Variants in RAB6B observed in about 807,000 individuals in gnomAD.
The protein encoded by RAB6B is RAB6B, member RAS oncogene family, also known as ras-related protein Rab-6B.
RAB6B carries 7 observed loss-of-function variants against 31.2 expected under a neutral mutation model. That is an observed-to-expected ratio of 0.22 (90% CI 0.13 to 0.42). RAB6B has a LOEUF of 0.42. Ranked by LOEUF, RAB6B falls within the 10% of genes least tolerant of loss-of-function variation. The pLI is 1.00. For missense variants in RAB6B, 149 were observed against 280.6 expected, an observed-to-expected ratio of 0.53 and a Z score of 3.35; for synonymous variants, 105 against 104.9, an observed-to-expected ratio of 1.00 and a Z score of -0.01.
intron 1 of RAB6B, among the ~76,000 whole-genome samples, chr3:133,866,890 C>T (rs1351234711): frequency 4.6e-5 from 7 of 152,258 alleles, no homozygotes; most frequent in Non-Finnish European, 8.8e-5. Context: ...CCCTAGGCAG[C>T]GACGCTCTGC....
intron 2 of RAB6B, among the ~76,000 whole-genome samples, chr3:133,842,400 C>T (rs527911188): frequency 1.3e-4 from 20 of 152,374 alleles, no homozygotes; most frequent in African/African-American, 4.8e-4. Context: ...CTCTGGGCCT[C>T]ACAGGCACCC....
At chr3:133,833,325 C>T (rs1005854268) in intron 7 of RAB6B, among the ~76,000 whole-genome samples, 19 of 152,162 alleles carry the variant, frequency 1.2e-4, no homozygotes, top group African/African-American at 4.3e-4. Context: ...AACTGACCAA[C>T]CAGGAGATAC....
chr3:133,839,903 T>G (rs1017881546), intron 4 of RAB6B, among the ~76,000 whole-genome samples: 1 of 152,100 alleles, frequency 6.6e-6, no homozygotes, highest in Non-Finnish European at 1.5e-5. Context: ...CCACATGGAA[T>G]AGTGGCTTTA....
At chr3:133,846,748 T>C (rs1935913934) in intron 2 of RAB6B, among the ~76,000 whole-genome samples, 1 of 152,108 alleles carries the variant, frequency 6.6e-6, no homozygotes, top group Non-Finnish European at 1.5e-5. Context: ...TGATTTATCA[T>C]CAGAAACAAT....
chr3:133,843,227 G>A (rs2107992545), intron 2 of RAB6B, among the ~76,000 whole-genome samples: 1 of 152,330 alleles, frequency 6.6e-6, no homozygotes. Context: ...TTACTTTGGA[G>A]ATGAAAGAAC....
rs1048089903 is a variant in RAB6B, at chr3:133,851,026, A to T, written c.130-9363T>A. 1.6e-4 allele frequency among the ~76,000 whole-genome samples: 25 copies of T among 152,124 alleles called. 2 individuals are homozygous for T. The highest frequency in any genetic ancestry group is 5.3e-4 in the African/African-American group (22 of 41,558). On this transcript the variant is annotated intron_variant, in intron 2 of 7. Coordinates refer to ENST00000285208, the MANE Select transcript of RAB6B (RefSeq NM_016577.4). ...ACAATAAAAGTGTTCAAGAAAAAAA[A>T]AAAAAACCGTGGAAACAGAATTCTA...
chr3:133,865,840 C>T (rs940313088), intron 1 of RAB6B, among the ~76,000 whole-genome samples: 1 of 152,214 alleles, frequency 6.6e-6, no homozygotes, highest in Non-Finnish European at 1.5e-5. Flanking sequence ...CACCACATAA[C>T]AGACAAGTGC....
intron 2 of RAB6B, among the ~76,000 whole-genome samples, chr3:133,861,704 T>C (rs897110922): frequency 6.6e-6 from 1 of 152,168 alleles, no homozygotes; most frequent in Non-Finnish European, 1.5e-5. Context: ...ACATCTTTTG[T>C]CAGAATGAGT....
intron 7 of RAB6B, among the ~76,000 whole-genome samples, chr3:133,832,799 G>A (rs1019067192): frequency 3.3e-5 from 5 of 152,216 alleles, no homozygotes; most frequent in African/African-American, 9.7e-5. Context: ...ACAACACCCT[G>A]TGCAGTCTGT....
At chr3:133,847,760 C>A (rs1341260050) in intron 2 of RAB6B, among the ~76,000 whole-genome samples, 1 of 152,212 alleles carries the variant, frequency 6.6e-6, no homozygotes, top group African/African-American at 2.4e-5. Context: ...GTCATGAGGA[C>A]ACTGTATAGT....
intron 1 of RAB6B, among the ~76,000 whole-genome samples, chr3:133,893,253 C>T (rs78292110): frequency 0.021 from 3,224 of 152,352 alleles, 52 homozygotes; most frequent in Middle Eastern, 0.065. Context: ...CATCTTACTT[C>T]ACAATGACAC....
At chr3:133,868,452 C>T (rs2715615) in intron 1 of RAB6B, among the ~76,000 whole-genome samples, 1,797 of 152,242 alleles carry the variant, frequency 0.012, 36 homozygotes, top group African/African-American at 0.041. Context: ...CAACAGCTGC[C>T]GGAGTTTCTG....
chr3:133,878,387 A>ATAT (rs769201352), intron 1 of RAB6B, among the ~76,000 whole-genome samples: 2 of 152,252 alleles, frequency 1.3e-5, no homozygotes, highest in Admixed American at 6.5e-5. Context: ...TGCAATATCT[A>ATAT]TAAAGTACTG....
At chr3:133,888,960 T>G (rs960348229) in intron 1 of RAB6B, among the ~76,000 whole-genome samples, 2 of 152,200 alleles carry the variant, frequency 1.3e-5, no homozygotes, top group Non-Finnish European at 2.9e-5. Context: ...TACTTCTCCC[T>G]GGCAACCTCC....
At chr3:133,870,959 C>A (rs907879417) in intron 1 of RAB6B, among the ~76,000 whole-genome samples, 1 of 152,252 alleles carries the variant, frequency 6.6e-6, no homozygotes, top group Non-Finnish European at 1.5e-5. Context: ...TCAGCTACCA[C>A]TGCCTACCTG....
chr3:133,852,032 TG>T (rs1935991967), intron 2 of RAB6B, among the ~76,000 whole-genome samples: 1 of 152,224 alleles, frequency 6.6e-6, no homozygotes, highest in South Asian at 2.1e-4. Context: ...TCTACACTGA[TG>T]GGCATTCTCC....
chr3:133,866,604 G>T (rs1171444122), intron 1 of RAB6B, among the ~76,000 whole-genome samples: 7 of 152,224 alleles, frequency 4.6e-5, no homozygotes, highest in African/African-American at 1.2e-4. Context: ...ACTTCTGATA[G>T]AAACGAGGCT....
chr3:133,890,466 G>T lies in RAB6B; in HGVS notation c.70+4931C>A, dbSNP rs372866469. 3.3e-5 allele frequency among the ~76,000 whole-genome samples: 5 copies of T among 152,200 alleles called. No individual in the cohort carries two copies. In the East Asian group the frequency reaches 5.8e-4, roughly 18 times the overall value. On this transcript the variant is annotated intron_variant, in intron 1 of 7. Transcript: ENST00000285208. ...CTAAAAATACAAAAATTAGCCGGGCGTATTGGTGTGGGCCTGTAGTCCCAG... is the reference window on the plus strand; with the variant it reads ...CTAAAAATACAAAAATTAGCCGGGCTTATTGGTGTGGGCCTGTAGTCCCAG...
At chr3:133,860,902 AG>A (rs1269126643) in intron 2 of RAB6B, among the ~76,000 whole-genome samples, 1 of 152,218 alleles carries the variant, frequency 6.6e-6, no homozygotes, top group Non-Finnish European at 1.5e-5. Flanking sequence ...ATCACTGCTG[AG>A]GCTTTAAGCA....
Sources: gnomAD v4.1 joint callset for allele counts (sites outside exome capture counted in the v4.1 genomes callset) on GRCh38, gnomAD v4.1.1 for gene constraint, MANE v1.5 for transcripts, NCBI Gene and HGNC (gene_info 2026-07-23, HGNC 2026-07-21) for gene names.